Variants in SDE2 observed in about 807,000 individuals in gnomAD.
SDE2 encodes spliceosome associated SDE2.
In SDE2, 31 loss-of-function variants were observed where a neutral mutation model predicts 46.9. That is an observed-to-expected ratio of 0.66 (90% confidence interval 0.50 to 0.89). SDE2 has a LOEUF of 0.89. Ranked by LOEUF, SDE2 falls within the 40% of genes least tolerant of loss-of-function variation. SDE2 has a pLI of 0.00. For missense variants in SDE2, 542 were observed against 564.4 expected (o/e 0.96, Z 0.40); for synonymous variants, 205 against 204.3 (o/e 1.00, Z -0.03).
At chr1:225,993,115 CTTT>C (rs566799394) in intron 2 of SDE2, 113 bp from the exon 3 acceptor site, 27 of 251,196 alleles carry the variant, frequency 1.1e-4, no homozygotes, top group South Asian at 2.0e-4. Flanking sequence ...TACTTTCTTT[CTTT>C]TTTTTTTTTT....
At chr1:225,991,850 C>T (rs1656407465) in intron 4 of SDE2, among the ~76,000 whole-genome samples, 1 of 152,230 alleles carries the variant, frequency 6.6e-6, no homozygotes, top group African/African-American at 2.4e-5. Flanking sequence ...GAAGACTTAG[C>T]TTATCCCTAA....
intron 6 of SDE2, among the ~76,000 whole-genome samples, chr1:225,986,334 T>C (rs907119362): frequency 2.0e-5 from 3 of 147,238 alleles, no homozygotes; most frequent in African/African-American, 7.5e-5. Flanking sequence ...GACTCTGTCA[T>C]TAAAAAAAAA....
Position 225,992,505 on chromosome 1 carries a change from T to G in SDE2, c.413A>C (p.Glu138Ala). The change falls in exon 4 of 7, where the codon GAG becomes GCG. Residue 138 changes from glutamate to alanine, a missense_variant. Physicochemically the swap from Glu to Ala is moderately radical, Grantham distance 107. Around this residue, in one of 3 missense-constraint regions of SDE2, gnomAD observed 401 missense variants for 437.8 expected, o/e 0.92. Transcript: ENST00000272091. The stretch of plus-strand genomic sequence containing the variant: ...TTCTACAAGCTTCCGCTGCAGTCGC[T>G]CCAGCCGCTTCTGCTCCTTTTCAGC... The part of the protein sequence containing the change: ...REAEKEQKRL[E>A]RLQRKLVEPK... 6.2e-7 allele frequency: 1 copy of G among 1,612,074 alleles called. No homozygotes were observed. The highest frequency in any genetic ancestry group is 1.7e-5 in the Admixed American group (1 of 60,000).
In SDE2 at chr1:225,999,327, G is replaced by C; in HGVS notation, c.-15C>G. ...GCCTCCGCCATGTCACCGACTACCCGAACCTCAAGCCTCTCTGAGACACCA... is the reference window on the plus strand; with the variant it reads ...GCCTCCGCCATGTCACCGACTACCCCAACCTCAAGCCTCTCTGAGACACCA... On this transcript the variant is annotated 5_prime_UTR_variant, in exon 1 of 7. Transcript: ENST00000272091. 2.5e-6 allele frequency: 4 copies of C among 1,609,796 alleles called. No homozygotes were observed. The highest frequency in any genetic ancestry group is 3.4e-6 in the Non-Finnish European group (4 of 1,178,310).
intron 2 of SDE2, 107 bp from the exon 3 acceptor site, chr1:225,993,109 TTCTTTC>T (rs2102704835): frequency 8.0e-6 from 2 of 249,170 alleles, no homozygotes; most frequent in Non-Finnish European, 1.4e-5. Flanking sequence ...GATCTCTACT[TTCTTTC>T]TTTTTTTTTT....
In SDE2 at chr1:225,988,031, C is replaced by G; in HGVS notation, c.999G>C (p.Glu333Asp). The change falls in exon 6 of 7, where the codon GAG becomes GAC. Residue 333 changes from glutamate (E) to aspartate (D), a missense_variant. Around this residue, in one of 3 missense-constraint regions of SDE2, gnomAD observed 401 missense variants for 437.8 expected, o/e 0.92. Transcript: ENST00000272091. ...KAESKEPIEEEPTGAGLNKDK... is the reference protein window; with the variant it reads ...KAESKEPIEEDPTGAGLNKDK... ...CCTTATTCAGTCCAGCCCCAGTGGG[C>G]TCCTCTTCTATGGGTTCTTTACTCT... 1.2e-6 allele frequency: 2 copies of G among 1,614,208 alleles called. No individual in the cohort carries two copies. Among genetic ancestry groups the G allele is most frequent in the South Asian group, 1.1e-5 (1 of 91,092 alleles).
rs764676070 is a variant in SDE2 at position 225,992,914 on chromosome 1, T to G, written c.327A>C (p.Leu109=). Residue 109 remains leucine, a synonymous_variant, in exon 3 of 7, where the codon CTA becomes CTC. Coordinates refer to ENST00000272091, the MANE Select transcript of SDE2 (RefSeq NM_152608.4). The part of the protein sequence containing the change: ...EACRDLSGRR[L]RDVNHEKAMA... ...ACGCTTTTTCATGATTGACATCGCGTAGTCTCCTTCCACTGAGATCCCGAC... is the reference window on the plus strand; with the variant it reads ...ACGCTTTTTCATGATTGACATCGCGGAGTCTCCTTCCACTGAGATCCCGAC... 1.2e-6 allele frequency: 2 copies of G among 1,610,066 alleles called. No individual in the cohort carries two copies. Among genetic ancestry groups the G allele is most frequent in the African/African-American group, 2.7e-5 (2 of 74,838 alleles).
rs553154665 is a variant in SDE2 at position 225,985,079 on chromosome 1, A to G, written c.*223T>C. ...CAAACCAAAAAATGTGAATAGCCCT[A>G]TATTTATTAAATACACTATAGAAAA... On this transcript the variant is annotated 3_prime_UTR_variant, in exon 7 of 7. Transcript: ENST00000272091. 1.5e-5 allele frequency: 8 copies of G among 549,524 alleles called. No homozygotes were observed. Among genetic ancestry groups the G allele is most frequent in the Non-Finnish European group, 1.9e-5 (6 of 309,722 alleles). The allele number at this position is 549,524 out of a possible 1,614,324, so 34.0% of individuals were successfully genotyped here. A position where few individuals can be genotyped will look rare whatever the true frequency, so the allele number is the denominator to read the frequency against.
At chr1:225,992,603 A>C in intron 3 of SDE2, 36 bp from the exon 4 acceptor site, 1 of 1,235,756 alleles carries the variant, frequency 8.1e-7, no homozygotes, top group Non-Finnish European at 1.2e-6. Flanking sequence ...AACTGAATAG[A>C]TATATTACAT....
rs769073833 is a variant in SDE2 at position 225,999,343 on chromosome 1, T to C, written c.-31A>G. 6.3e-7 allele frequency: 1 copy of C among 1,594,882 alleles called. No homozygotes were observed. The highest frequency in any genetic ancestry group is 1.3e-5 in the African/African-American group (1 of 74,422). ...CGACTACCCGAACCTCAAGCCTCTC[T>C]GAGACACCAGGCGCCGCAACTCGCC... On this transcript the variant is annotated 5_prime_UTR_variant, in exon 1 of 7. Transcript: ENST00000272091.
intron 2 of SDE2, among the ~76,000 whole-genome samples, chr1:225,993,933 C>CTTTTT (rs1558085266): frequency 3.7e-5 from 2 of 53,374 alleles, no homozygotes; most frequent in South Asian, 5.6e-4. Context: ...ATGCAGCTAG[C>CTTTTT]TATTTTTTTT....
chr1:225,988,385 C>T lies in SDE2; in HGVS notation c.645G>A (p.Leu215=). 1.2e-6 allele frequency: 2 copies of T among 1,613,532 alleles called. No homozygotes were observed. Among genetic ancestry groups the T allele is most frequent in the Middle Eastern group, 1.7e-4 (1 of 6,058 alleles). The part of the protein sequence containing the change: ...ASAGKRRCFW[L]GMEGLETAEG... ...CTGCAGTCTCTAGTCCCTCCATGCCCAACCTGTCAGAAGCAACAGAAAGGT... is the reference window on the plus strand; with the variant it reads ...CTGCAGTCTCTAGTCCCTCCATGCCTAACCTGTCAGAAGCAACAGAAAGGT... Residue 215 remains leucine (L), a synonymous_variant, in exon 6 of 7, where the codon TTG becomes TTA. Transcript: ENST00000272091.
chr1:225,991,210 A>G (rs1656391318), intron 5 of SDE2, 33 bp downstream of exon 5: 1 of 1,604,088 alleles, frequency 6.2e-7, no homozygotes. Flanking sequence ...TCAGTCCTCA[A>G]AGATCAATTG....
intron 2 of SDE2, 45 bp from the exon 3 acceptor site, chr1:225,993,047 G>A: frequency 1.0e-6 from 1 of 997,816 alleles, no homozygotes; most frequent in Non-Finnish European, 1.6e-6. Context: ...TGTGTTCAAG[G>A]ATGGATAAAA....
At chr1:225,996,992 T>C (rs1177728115) in intron 1 of SDE2, among the ~76,000 whole-genome samples, 2 of 152,192 alleles carry the variant, frequency 1.3e-5, no homozygotes, top group Admixed American at 6.5e-5. Context: ...TTCCCTCTTA[T>C]TGAGAGAACT....
Position 225,992,583 on chromosome 1 carries a change from G to A in SDE2, c.351-16C>T, listed in dbSNP as rs778180910. The A allele has an allele frequency of 6.4e-7, 1 of 1,565,372 alleles. No homozygotes were observed. Among genetic ancestry groups the A allele is most frequent in the Non-Finnish European group, 8.7e-7 (1 of 1,143,912 alleles). ...TTCAGCCATTCTGGGGATGAGGGAG[G>A]AAGAGATATAACTGAATAGATATAT... On this transcript the variant is annotated splice_polypyrimidine_tract_variant and intron_variant, in intron 3 of 6. Transcript: ENST00000272091.
At chr1:225,993,311 A>G (rs1377543526) in intron 2 of SDE2, among the ~76,000 whole-genome samples, 1 of 152,138 alleles carries the variant, frequency 6.6e-6, no homozygotes, top group Non-Finnish European at 1.5e-5. Context: ...CAGCTAGAAT[A>G]TTTAAAAAGC....
Position 225,988,116 on chromosome 1 carries a change from T to C in SDE2, c.914A>G (p.Lys305Arg), listed in dbSNP as rs780607277. The C allele has an allele frequency of 3.7e-6, 6 of 1,614,218 alleles. No homozygotes were observed. The highest frequency in any genetic ancestry group is 5.1e-6 in the Non-Finnish European group (6 of 1,180,022). The change falls in exon 6 of 7, where the codon AAA (lysine) becomes AGA (arginine). Residue 305 changes from lysine (K) to arginine (R), a missense_variant. Transcript: ENST00000272091. ...AACCATCCTGCTTTCCATGTGCTCTTTGGACTCCCCCAGCTCAGCACATGA... is the reference window on the plus strand; with the variant it reads ...AACCATCCTGCTTTCCATGTGCTCTCTGGACTCCCCCAGCTCAGCACATGA... ...EDSCAELGES[K>R]EHMESRMVTE...
intron 1 of SDE2, 24 bp from the exon 2 acceptor site, chr1:225,995,407 A>G: frequency 8.5e-7 from 1 of 1,173,606 alleles, no homozygotes; most frequent in African/African-American, 1.5e-5. Context: ...TGTTTTTTTA[A>G]TGCCTTTTAT....
Sources: allele counts gnomAD v4.1 joint callset (sites outside exome capture counted in the v4.1 genomes callset), GRCh38; gene constraint gnomAD v4.1.1; regional missense constraint gnomAD v4.1.1; transcripts MANE v1.5; gene names NCBI Gene and HGNC (gene_info 2026-07-23, HGNC 2026-07-21).